Variants in GTF2E2 observed in about 807,000 individuals in gnomAD.
GTF2E2 encodes general transcription factor IIE subunit 2.
GTF2E2 carries 21 observed loss-of-function variants against 40.5 expected under a neutral mutation model. The ratio of observed to expected loss-of-function variants is 0.52; its 90% confidence interval spans 0.37 to 0.75. The LOEUF is 0.75. Among genes scored for constraint, GTF2E2 ranks in the 30% least tolerant of loss-of-function variants. The pLI is 0.00. For synonymous variants in GTF2E2, 117 were observed against 121.6 expected (o/e 0.96, Z 0.25); for missense variants, 298 against 338.4 (o/e 0.88, Z 0.94).
chr8:30,640,467 C>T (rs1801776273), intron 2 of GTF2E2, among the ~76,000 whole-genome samples: 1 of 151,840 alleles, frequency 6.6e-6, no homozygotes, highest in Admixed American at 6.6e-5. Flanking sequence ...TAACATAAAA[C>T]AAAACTAAAA....
chr8:30,639,287 T>C (rs1801725563), intron 2 of GTF2E2, among the ~76,000 whole-genome samples: 1 of 151,090 alleles, frequency 6.6e-6, no homozygotes. Flanking sequence ...AGCTTCAGAC[T>C]TCCTTAACAT....
At chr8:30,622,849 A>T (rs193050693) in intron 3 of GTF2E2, among the ~76,000 whole-genome samples, 1 of 152,260 alleles carries the variant, frequency 6.6e-6, no homozygotes, top group East Asian at 1.9e-4. Context: ...TCAGAGTTTA[A>T]GGTTATCTCT....
intron 1 of GTF2E2, chr8:30,657,682 C>T (rs1412299150): frequency 6.6e-6 from 1 of 152,230 alleles, no homozygotes; most frequent in African/African-American, 2.4e-5. Flanking sequence ...ACACACGGTT[C>T]GCTTGGCTAC....
At chr8:30,589,538 G>A (rs1326537101) in intron 6 of GTF2E2, among the ~76,000 whole-genome samples, 1 of 152,208 alleles carries the variant, frequency 6.6e-6, no homozygotes, top group Non-Finnish European at 1.5e-5. Context: ...TCCAGCCTGA[G>A]CAACAGAGCA....
At chr8:30,599,471 C>T (rs1212159722) in intron 6 of GTF2E2, among the ~76,000 whole-genome samples, 1 of 151,010 alleles carries the variant, frequency 6.6e-6, no homozygotes, top group Admixed American at 6.6e-5. Flanking sequence ...CCCAGCTACT[C>T]GGGAGTCTGA....
rs766224944 is a variant in GTF2E2 at position 30,653,561 on chromosome 8, T to G, written c.38A>C (p.Lys13Thr). The change falls in exon 2 of 8, where the codon AAA becomes ACA. Residue 13 changes from lysine (K) to threonine (T), a missense_variant. Coordinates refer to ENST00000355904, the MANE Select transcript of GTF2E2 (RefSeq NM_002095.6). ...PSLLRERELFKKRALSTPVVE... is the reference protein window; with the variant it reads ...PSLLRERELFTKRALSTPVVE... ...TACAGGAGTAGAAAGAGCTCGTTTT[T>G]TGAACAGCTCCCTTTCTCTCAACAG... is the stretch of plus-strand genomic sequence containing the variant. 9 of 1,613,514 alleles carry G rather than the reference T, an allele frequency of 5.6e-6. No homozygotes were observed. In the Admixed American group the frequency reaches 1.3e-4, roughly 24 times the overall value.
At chr8:30,624,195 G>A (rs1288216217) in intron 3 of GTF2E2, among the ~76,000 whole-genome samples, 3 of 152,116 alleles carry the variant, frequency 2.0e-5, no homozygotes, top group African/African-American at 4.8e-5. Flanking sequence ...TGTATACGGT[G>A]TAAGGAAGGG....
chr8:30,645,920 AT>A (rs1335428461), intron 2 of GTF2E2: 1 of 211,850 alleles, frequency 4.7e-6, no homozygotes, highest in Non-Finnish European at 9.4e-6. Flanking sequence ...TGATGCTAAA[AT>A]GATTTTATAA....
At chr8:30,587,252 A>G (rs548368826) in intron 6 of GTF2E2, among the ~76,000 whole-genome samples, 1 of 152,006 alleles carries the variant, frequency 6.6e-6, no homozygotes, top group African/African-American at 2.4e-5. Flanking sequence ...CTCTACAAAA[A>G]ATGTTTTAAG....
At position 30,653,393 on chromosome 8, in the gene GTF2E2, T is replaced by C. The variant is rs748521045; in HGVS notation, c.166+40A>G. The C allele has an allele frequency of 2.0e-6, 3 of 1,519,734 alleles. No individual in the cohort carries two copies. In the South Asian group the frequency reaches 3.5e-5, roughly 18 times the overall value. The allele number at this position is 1,519,734 out of a possible 1,614,324, so 94.1% of individuals were successfully genotyped here. On this transcript the variant is annotated intron_variant, in intron 2 of 7. Coordinates refer to ENST00000355904, the MANE Select transcript of GTF2E2 (RefSeq NM_002095.6). ...AACTAAACGGTTTCCTCCTGAATAATCTGAATAAAAACCAAACAGTCCTAA... is the reference window on the plus strand; with the variant it reads ...AACTAAACGGTTTCCTCCTGAATAACCTGAATAAAAACCAAACAGTCCTAA...
intron 3 of GTF2E2, among the ~76,000 whole-genome samples, chr8:30,627,412 T>A (rs575388412): frequency 5.8e-4 from 79 of 135,222 alleles, no homozygotes; most frequent in Middle Eastern, 0.01. Context: ...TGTTCCCCAT[T>A]AGTGACTGGC....
intron 3 of GTF2E2, among the ~76,000 whole-genome samples, chr8:30,630,853 C>G (rs2978269): frequency 1.3e-5 from 2 of 152,012 alleles, no homozygotes; most frequent in African/African-American, 2.4e-5. Context: ...ACATTCTAAT[C>G]TATCATAATC....
At chr8:30,641,496 G>A (rs995832274) in intron 2 of GTF2E2, among the ~76,000 whole-genome samples, 5 of 152,110 alleles carry the variant, frequency 3.3e-5, no homozygotes, top group African/African-American at 9.7e-5. Context: ...CCAAGTAGCC[G>A]AGACTACAGG....
At chr8:30,601,949 T>C (rs1172768058) in intron 6 of GTF2E2, among the ~76,000 whole-genome samples, 1 of 152,144 alleles carries the variant, frequency 6.6e-6, no homozygotes, top group Non-Finnish European at 1.5e-5. Context: ...AATAGAAAGA[T>C]ATACAACTGT....
intron 3 of GTF2E2, among the ~76,000 whole-genome samples, chr8:30,633,765 T>C (rs1801507509): frequency 6.6e-6 from 1 of 152,158 alleles, no homozygotes; most frequent in South Asian, 2.1e-4. Flanking sequence ...AGCCAATAGA[T>C]TTTCATAACT....
chr8:30,657,155 CTT>C (rs769169457), intron 1 of GTF2E2: 5 of 152,250 alleles, frequency 3.3e-5, no homozygotes, highest in Non-Finnish European at 7.3e-5. Context: ...CTCCGCCTAA[CTT>C]TTCCTCCTTT....
chr8:30,626,287 C>T (rs552311640), intron 3 of GTF2E2, among the ~76,000 whole-genome samples: 9 of 152,248 alleles, frequency 5.9e-5, no homozygotes, highest in African/African-American at 2.2e-4. Context: ...GAGATCGAGA[C>T]CATCCTGGCC....
At chr8:30,603,424 TAC>T (rs1489388182) in intron 6 of GTF2E2, among the ~76,000 whole-genome samples, 1 of 151,558 alleles carries the variant, frequency 6.6e-6, no homozygotes, top group East Asian at 1.9e-4. Context: ...AACAAAAAAA[TAC>T]AGACAGAAAG....
chr8:30,631,383 A>G (rs557792126), intron 3 of GTF2E2, among the ~76,000 whole-genome samples: 1 of 152,338 alleles, frequency 6.6e-6, no homozygotes, highest in Non-Finnish European at 1.5e-5. Flanking sequence ...AAGAAAAAGC[A>G]TATTTAGAGA....
Sources: allele counts gnomAD v4.1 joint callset (sites outside exome capture counted in the v4.1 genomes callset), GRCh38; gene constraint gnomAD v4.1.1; transcripts MANE v1.5; gene names NCBI Gene and HGNC (gene_info 2026-07-23, HGNC 2026-07-21).